NAV1: variants seen among roughly 807,000 people sequenced by gnomAD.
NAV1 encodes pore membrane and/or filament interacting like protein 3.
In NAV1, 18 loss-of-function variants were observed where a neutral mutation model predicts 175.2. The observed-to-expected ratio is 0.10, with a 90% CI of 0.07 to 0.15. The LOEUF is 0.15. NAV1 is among the 10% of genes least tolerant of loss of function. The pLI, the probability that NAV1 is intolerant of heterozygous loss-of-function variation, is 1.00. For missense variants in NAV1, 1,731 were observed against 2,436.6 expected, an observed-to-expected ratio of 0.71 and a Z score of 6.10; for synonymous variants, 897 against 978.7, an observed-to-expected ratio of 0.92 and a Z score of 1.56.
intron 1 of NAV1, among the ~76,000 whole-genome samples, chr1:201,697,119 A>G (rs116509513): frequency 0.012 from 1,808 of 152,206 alleles, 39 homozygotes; most frequent in African/African-American, 0.041. Flanking sequence ...TCTTGTTTCA[A>G]TTGATACCCA....
chr1:201,683,305 A>G (rs972109818), intron 1 of NAV1, among the ~76,000 whole-genome samples: 2 of 152,152 alleles, frequency 1.3e-5, no homozygotes, highest in South Asian at 2.1e-4. Flanking sequence ...ATGACATCCT[A>G]TGAAGGGTCT....
chr1:201,643,503 C>T (rs1243304517), upstream of NAV1, among the ~76,000 whole-genome samples: 1 of 151,596 alleles, frequency 6.6e-6, no homozygotes, highest in Non-Finnish European at 1.5e-5. Flanking sequence ...CTCACCACAA[C>T]CTCCGCCTCC....
chr1:201,582,269 T>C (rs1666891491), intron 1 of NAV1, among the ~76,000 whole-genome samples: 1 of 152,180 alleles, frequency 6.6e-6, no homozygotes, highest in African/African-American at 2.4e-5. Flanking sequence ...AGAGGAAATT[T>C]AGTGCTGAGA....
upstream of NAV1, among the ~76,000 whole-genome samples, chr1:201,621,332 C>CTTTTTTTTTTT (rs11422175): frequency 8.4e-6 from 1 of 118,892 alleles, no homozygotes; most frequent in Non-Finnish European, 1.7e-5. Context: ...TCTTTTCTTT[C>CTTTTTTTTTTT]TTTTTTTTTT....
In NAV1 at chr1:201,587,917, G is replaced by A. The variant is rs1353179856; in HGVS notation, c.-143-622G>A. Among the ~76,000 whole-genome samples the A allele has an allele frequency of 2.0e-5, 3 of 152,332 alleles. 1 individual carries two copies. Among genetic ancestry groups the A allele is most frequent in the South Asian group, 4.1e-4 (2 of 4,834 alleles). On this transcript the variant is annotated intron_variant, in intron 1 of 33. Transcript: ENST00000685211. ...AAATAAAAAAGACAGGCAGTAACAA[G>A]TGTTGACAAGGATGTGGGGAAATTG...
At chr1:201,752,079 G>A (rs1018199003) in intron 3 of NAV1, among the ~76,000 whole-genome samples, 1 of 152,130 alleles carries the variant, frequency 6.6e-6, no homozygotes, top group African/African-American at 2.4e-5. Flanking sequence ...GTATTCAGCT[G>A]TCCTGTTCTC....
chr1:201,560,956 A>G (rs1666179383), intron 1 of NAV1, among the ~76,000 whole-genome samples: 1 of 152,188 alleles, frequency 6.6e-6, no homozygotes, highest in Non-Finnish European at 1.5e-5. Context: ...TGCCACCACC[A>G]CAGGCTTTCC....
intron 3 of NAV1, among the ~76,000 whole-genome samples, chr1:201,742,745 T>C (rs1673505506): frequency 6.6e-6 from 1 of 152,074 alleles, no homozygotes; most frequent in Non-Finnish European, 1.5e-5. Flanking sequence ...AAACTCAGCC[T>C]CTGTGAGAGG....
intron 1 of NAV1, among the ~76,000 whole-genome samples, chr1:201,540,038 G>C (rs761688152): frequency 6.6e-5 from 10 of 152,298 alleles, no homozygotes; most frequent in African/African-American, 2.4e-4. Context: ...CCCGAGGCTT[G>C]GGCTCTGGTC....
intron 1 of NAV1, among the ~76,000 whole-genome samples, chr1:201,574,009 T>G (rs1266818367): frequency 6.6e-6 from 1 of 151,660 alleles, no homozygotes; most frequent in Non-Finnish European, 1.5e-5. Context: ...TGAGCTATGA[T>G]AGTGGCGGCA....
Position 201,808,953 on chromosome 1 carries a change from G to A in NAV1, c.4207+82G>A, listed in dbSNP as rs375090042. 703 of 1,522,998 alleles carry A rather than the reference G, an allele frequency of 4.6e-4. 10 individuals are homozygous for A. In the South Asian group the frequency reaches 7.0e-3, roughly 15 times the overall value. 94.3% of individuals were successfully genotyped at this position (1,522,998 alleles called of 1,614,324 possible). ...CTGTTACACCATTCCACTTGCTTTG[G>A]TCAGGGCGGTAACAATGCCGAAGCC... is the stretch of plus-strand genomic sequence containing the variant. On this transcript the variant is annotated intron_variant, in intron 20 of 29. Coordinates refer to ENST00000367296, the Ensembl canonical transcript of NAV1. The surrounding 1 kb of genome is among the most constrained non-coding windows in gnomAD (Gnocchi z 5.5).
At chr1:201,818,516 G>A (rs1487416583) in intron 29 of NAV1, among the ~76,000 whole-genome samples, 5 of 145,928 alleles carry the variant, frequency 3.4e-5, no homozygotes, top group Non-Finnish European at 5.9e-5. Context: ...GCGACAGAGC[G>A]AGACTCCCTC....
chr1:201,566,950 G>A (rs1666371334), intron 1 of NAV1, among the ~76,000 whole-genome samples: 1 of 152,050 alleles, frequency 6.6e-6, no homozygotes, highest in African/African-American at 2.4e-5. Flanking sequence ...TCATATGTAT[G>A]TACTGTAATT....
chr1:201,782,370 A>G lies in NAV1; in HGVS notation c.1858A>G (p.Met620Val), dbSNP rs766385399. The stretch of plus-strand genomic sequence containing the variant: ...TCCTGCCACAGGCACAGCCACTGTC[A>G]TGCAAACTGGTGGTTCAGCCACTCT... Residue 620 changes from methionine (M) to valine (V), a missense_variant, in exon 6 of 30, where the codon ATG (methionine) becomes GTG (valine). Met to Val is a conservative substitution (Grantham distance 21). Coordinates refer to ENST00000367296, the Ensembl canonical transcript of NAV1. The surrounding 1 kb of genome is among the most constrained non-coding windows in gnomAD (Gnocchi z 5.4). 3.7e-6 allele frequency: 6 copies of G among 1,614,144 alleles called. No individual in the cohort carries two copies. The highest frequency in any genetic ancestry group is 5.1e-6 in the Non-Finnish European group (6 of 1,180,018).
Position 201,808,568 on chromosome 1 carries a change from C to T in NAV1, c.3996C>T (p.Ala1332=). 3.7e-6 allele frequency: 6 copies of T among 1,614,242 alleles called. No individual in the cohort carries two copies. Among genetic ancestry groups the T allele is most frequent in the Non-Finnish European group, 4.2e-6 (5 of 1,180,038 alleles). The change falls in exon 19 of 30, where the codon GCC becomes GCT. Residue 1332 remains alanine, a synonymous_variant. Coordinates refer to ENST00000367296, the Ensembl canonical transcript of NAV1. The surrounding 1 kb of genome is among the most constrained non-coding windows in gnomAD (Gnocchi z 5.5). ...TCCGCTTGGAGGCCCTCAACTCTGC[C>T]CACCAACTGGATCAGCTTCGGGAGA... is the stretch of plus-strand genomic sequence containing the variant.
rs1678566796 is a variant in NAV1, at chr1:201,809,665, C to G, written c.4401+128C>G. On this transcript the variant is annotated intron_variant, in intron 22 of 29. Transcript: ENST00000367296. The stretch of plus-strand genomic sequence containing the variant: ...GTGGCGTGATCACAGCTCACTGCAG[C>G]CTTGAACTCTTGGGCTTAAGTAATT... The G allele has an allele frequency of 1.3e-5, 11 of 869,170 alleles. No individual in the cohort carries two copies. In the South Asian group the frequency reaches 1.5e-4, roughly 12 times the overall value. The allele number at this position is 869,170 out of a possible 1,614,324, so 53.8% of individuals were successfully genotyped here. A position where few individuals can be genotyped will look rare whatever the true frequency, so the allele number is the denominator to read the frequency against.
At chr1:201,786,721 C>A in intron 9 of NAV1, 144 bp downstream of exon 13, 1 of 804,416 alleles carries the variant, frequency 1.2e-6, no homozygotes, top group Non-Finnish European at 1.9e-6. Context: ...AGTTTATCCA[C>A]CCAAAGTAAG....
intron 1 of NAV1, among the ~76,000 whole-genome samples, chr1:201,671,504 ATGACC>A (rs1670045108): frequency 6.6e-6 from 1 of 152,204 alleles, no homozygotes; most frequent in Non-Finnish European, 1.5e-5. Flanking sequence ...GTGCTACAGT[ATGACC>A]TTGAGCAAGT....
chr1:201,623,000 T>C, exon 1 of NAV1: 8 of 986,144 alleles, frequency 8.1e-6, no homozygotes, highest in Non-Finnish European at 8.4e-6. Context: ...TCTCCCCAGC[T>C]GCGGCCACGC....
Sources: allele counts gnomAD v4.1 joint callset (sites outside exome capture counted in the v4.1 genomes callset), GRCh38; gene constraint gnomAD v4.1.1; non-coding constraint Gnocchi (gnomAD v3.1); transcripts MANE v1.5; gene names NCBI Gene and HGNC (gene_info 2026-07-23, HGNC 2026-07-21).